Variants in MAEA observed in about 807,000 individuals in gnomAD.
MAEA encodes the protein macrophage erythroblast attacher, E3 ubiquitin ligase.
MAEA carries 22 observed loss-of-function variants against 46.2 expected under a neutral mutation model. That is an observed-to-expected ratio of 0.48 (90% confidence interval 0.34 to 0.68). The LOEUF is 0.68. Ranked by LOEUF, MAEA falls within the 30% of genes least tolerant of loss-of-function variation. The pLI, the probability that MAEA is intolerant of heterozygous loss-of-function variation, is 0.01. For synonymous variants in MAEA, 246 were observed against 222.6 expected (o/e 1.11, Z -0.94); for missense variants, 393 against 558.1 (o/e 0.70, Z 2.98).
At chr4:1,328,936 A>G (rs2108986510) in intron 5 of MAEA, 1 of 995,184 alleles carries the variant, frequency 1.0e-6, no homozygotes, top group Non-Finnish European at 1.2e-6. Context: ...GCGTGTGAGC[A>G]TTGCGGGGAC....
chr4:1,335,564 T>G (rs1712642718), intron 6 of MAEA: 1 of 933,350 alleles, frequency 1.1e-6, no homozygotes, highest in Non-Finnish European at 1.3e-6. Flanking sequence ...CCCCACAGTG[T>G]GTTGAAATCA....
chr4:1,329,738 G>A (rs1302326003), intron 5 of MAEA: 8 of 985,678 alleles, frequency 8.1e-6, no homozygotes, highest in Admixed American at 6.1e-5. Context: ...CGTTTGTGGG[G>A]TGAGGGAGTG....
intron 1 of MAEA, among the ~76,000 whole-genome samples, chr4:1,296,827 C>G (rs1039523635): frequency 6.6e-6 from 1 of 152,176 alleles, no homozygotes; most frequent in Non-Finnish European, 1.5e-5. Flanking sequence ...TCCCATCACT[C>G]GGCTCCCGTG....
chr4:1,324,720 T>G (rs112718166), intron 4 of MAEA, among the ~76,000 whole-genome samples: 1 of 93,286 alleles, frequency 1.1e-5, no homozygotes, highest in Non-Finnish European at 2.0e-5. Context: ...GGTGGATGAG[T>G]GTGTCTGGTG....
At chr4:1,315,654 C>T in intron 3 of MAEA, 54 bp downstream of exon 3, 3 of 1,576,978 alleles carry the variant, frequency 1.9e-6, no homozygotes, top group Non-Finnish European at 2.6e-6. Flanking sequence ...AGGCCTATGG[C>T]CAGCCGCCCT....
At chr4:1,338,212 C>T (rs977999039) in intron 7 of MAEA, 5 of 512,558 alleles carry the variant, frequency 9.8e-6, no homozygotes, top group South Asian at 3.1e-5. Flanking sequence ...GGTGAGAAGG[C>T]GCAGGCTTCT....
intron 1 of MAEA, among the ~76,000 whole-genome samples, chr4:1,300,262 G>A (rs1735181720): frequency 6.6e-6 from 1 of 152,180 alleles, no homozygotes; most frequent in Non-Finnish European, 1.5e-5. Context: ...AGAGGATGCC[G>A]TGTTTCTGCA....
chr4:1,328,540 G>C (rs1033155825), intron 5 of MAEA: 21 of 1,029,942 alleles, frequency 2.0e-5, no homozygotes, highest in Non-Finnish European at 2.5e-5. Context: ...CTGGCCCTCA[G>C]CTCCCGGGCG....
chr4:1,325,262 A>C (rs1738656205), intron 4 of MAEA, among the ~76,000 whole-genome samples: 1 of 152,190 alleles, frequency 6.6e-6, no homozygotes, highest in Non-Finnish European at 1.5e-5. Context: ...TGGGTGGGTG[A>C]GTGGCCCTGA....
chr4:1,334,972 C>T (rs896029690), intron 6 of MAEA: 1 of 985,278 alleles, frequency 1.0e-6, no homozygotes, highest in Non-Finnish European at 1.2e-6. Context: ...GACTGAGAAG[C>T]TTACAGAGAC....
Position 1,311,929 on chromosome 4 carries a change from G to T in MAEA, c.70-50G>T. On this transcript the variant is annotated intron_variant, in intron 1 of 8. Transcript: ENST00000303400. The surrounding 1 kb of genome is among the most constrained non-coding windows in gnomAD (Gnocchi z 4.4). ...GGTGTGTCCTGGGTGTGGGGCTGGT[G>T]GGGCTCACACCAGGGGAGCAGATCC... The T allele has an allele frequency of 6.5e-7, 1 of 1,536,714 alleles. No individual in the cohort carries two copies. Among genetic ancestry groups the T allele is most frequent in the South Asian group, 1.2e-5 (1 of 83,808 alleles).
intron 6 of MAEA, among the ~76,000 whole-genome samples, chr4:1,334,661 A>G (rs557101284): frequency 7.9e-5 from 12 of 152,358 alleles, no homozygotes; most frequent in Non-Finnish European, 1.8e-4. Context: ...GCCAGCCCCA[A>G]GGCTCATCTG....
chr4:1,315,687 T>C, intron 3 of MAEA, 87 bp downstream of exon 3: 1 of 1,298,416 alleles, frequency 7.7e-7, no homozygotes, highest in Non-Finnish European at 1.1e-6. Context: ...CCGGCATGCC[T>C]GTGTCCCTAC....
chr4:1,335,242 GT>G, intron 6 of MAEA: 1 of 985,506 alleles, frequency 1.0e-6, no homozygotes, highest in Non-Finnish European at 1.2e-6. Flanking sequence ...TGAAGTAAGA[GT>G]TTTTACACCT....
chr4:1,310,789 A>C (rs905129264), intron 1 of MAEA, among the ~76,000 whole-genome samples: 8 of 152,308 alleles, frequency 5.3e-5, no homozygotes, highest in African/African-American at 1.7e-4. Flanking sequence ...GAACGGGCTC[A>C]GGGCCGGCCT....
At chr4:1,309,482 T>G (rs571957040) in intron 1 of MAEA, 2 of 1,323,560 alleles carry the variant, frequency 1.5e-6, no homozygotes, top group Admixed American at 3.3e-5. Flanking sequence ...GGGGAGGAGC[T>G]GCTGTCTGGG....
chr4:1,313,711 G>A (rs1288344062), intron 2 of MAEA, among the ~76,000 whole-genome samples: 4 of 151,686 alleles, frequency 2.6e-5, no homozygotes, highest in Non-Finnish European at 4.4e-5. Flanking sequence ...GGGCGACAGC[G>A]AGACCCTATC....
intron 1 of MAEA, among the ~76,000 whole-genome samples, chr4:1,306,880 G>T (rs1379905387): frequency 6.6e-6 from 1 of 152,184 alleles, no homozygotes; most frequent in Non-Finnish European, 1.5e-5. Flanking sequence ...GGGATGTGAG[G>T]TTTGGGTTGA....
At chr4:1,315,718 C>G (rs1301528749) in intron 3 of MAEA, 118 bp downstream of exon 3, 1 of 826,612 alleles carries the variant, frequency 1.2e-6, no homozygotes, top group African/African-American at 1.9e-5. Flanking sequence ...TCCCCTCCCC[C>G]CACCCCCGTA....
Sources: gnomAD v4.1 joint callset for allele counts (sites outside exome capture counted in the v4.1 genomes callset) on GRCh38, gnomAD v4.1.1 for gene constraint, Gnocchi (gnomAD v3.1) non-coding constraint, MANE v1.5 for transcripts, NCBI Gene and HGNC (gene_info 2026-07-23, HGNC 2026-07-21) for gene names.